The following DENND4C variants were observed in gnomAD, a reference collection of about 807,000 sequenced individuals.
DENND4C encodes the protein DENN domain containing 4C.
A neutral mutation model predicts 203.0 loss-of-function variants in DENND4C; 108 were observed. That is an observed-to-expected ratio of 0.53 (90% CI 0.46 to 0.62). The LOEUF is 0.62. Among genes scored for constraint, DENND4C ranks in the 20% least tolerant of loss-of-function variants. The pLI, the probability that DENND4C is intolerant of heterozygous loss-of-function variation, is 0.00. For synonymous variants in DENND4C, 871 were observed against 792.4 expected, an observed-to-expected ratio of 1.10 and a Z score of -1.67; for missense variants, 2,481 against 2,301.2, an observed-to-expected ratio of 1.08 and a Z score of -1.60.
intron 4 of DENND4C, among the ~76,000 whole-genome samples, chr9:19,289,778 G>T (rs978439984): frequency 1.4e-5 from 2 of 143,880 alleles, no homozygotes; most frequent in South Asian, 2.2e-4. Flanking sequence ...GCAGTGAGCC[G>T]AGATCACACC....
In DENND4C at chr9:19,345,911, T is replaced by G. The variant is rs1385087642; in HGVS notation, c.3152-10T>G. On this transcript the variant is annotated splice_polypyrimidine_tract_variant and intron_variant, in intron 22 of 32. Transcript: ENST00000434457. ...TAGGTTCATTGTTAATATTTTACTTTCCCTTTTAGGTAGTATATCAAATGT... is the reference window on the plus strand; with the variant it reads ...TAGGTTCATTGTTAATATTTTACTTGCCCTTTTAGGTAGTATATCAAATGT... 6.4e-7 allele frequency: 1 copy of G among 1,571,682 alleles called. No individual in the cohort carries two copies.
At chr9:19,349,506 T>G (rs1162328861) in intron 23 of DENND4C, among the ~76,000 whole-genome samples, 1 of 152,204 alleles carries the variant, frequency 6.6e-6, no homozygotes, top group Non-Finnish European at 1.5e-5. Flanking sequence ...ACTGTGGATC[T>G]TGTCTTGTCT....
At chr9:19,263,977 G>A (rs148991865) in intron 1 of DENND4C, among the ~76,000 whole-genome samples, 1 of 152,018 alleles carries the variant, frequency 6.6e-6, no homozygotes, top group African/African-American at 2.4e-5. Flanking sequence ...TTTCTTTGAT[G>A]TGTCTTTGTC....
rs1417114025 is a variant in DENND4C, at chr9:19,272,970, A to G, written c.-17-3188A>G. On this transcript the variant is annotated intron_variant, in intron 1 of 32. Coordinates refer to ENST00000434457, the MANE Select transcript of DENND4C (RefSeq NM_001330640.2). ...CTTTTTTTTTTTTTTTTTTTTTGAG[A>G]TGGAGTCTCGCTCTGTCACCCAGGC... Among the ~76,000 whole-genome samples the G allele has an allele frequency of 5.3e-5, 6 of 112,312 alleles. No homozygotes were observed. In the East Asian group the frequency reaches 1.1e-3, roughly 22 times the overall value. 73.7% of individuals were successfully genotyped at this position (112,312 alleles called of 152,430 possible). A position where few individuals can be genotyped will look rare whatever the true frequency, so the allele number is the denominator to read the frequency against.
chr9:19,317,497 G>C (rs993738215), intron 12 of DENND4C, among the ~76,000 whole-genome samples: 4 of 152,034 alleles, frequency 2.6e-5, no homozygotes, highest in African/African-American at 9.7e-5. Context: ...TATATATGTA[G>C]TAGCAATCTT....
chr9:19,238,800 T>C (rs1425203245), intron 1 of DENND4C, among the ~76,000 whole-genome samples: 1 of 148,212 alleles, frequency 6.7e-6, no homozygotes, highest in Non-Finnish European at 1.5e-5. Flanking sequence ...ATTACAGGCA[T>C]GTGCCACCAC....
At chr9:19,262,662 C>G (rs1054846971) in intron 1 of DENND4C, among the ~76,000 whole-genome samples, 1 of 151,932 alleles carries the variant, frequency 6.6e-6, no homozygotes, top group Non-Finnish European at 1.5e-5. Flanking sequence ...TAATTCCTGG[C>G]CTCAAGTGAT....
intron 5 of DENND4C, among the ~76,000 whole-genome samples, chr9:19,294,942 G>A (rs554978055): frequency 2.0e-5 from 3 of 152,290 alleles, no homozygotes; most frequent in Non-Finnish European, 4.4e-5. Flanking sequence ...TTTGTTTGGG[G>A]TAATGAAAAA....
Position 19,346,089 on chromosome 9 carries a change from A to G in DENND4C, c.3320A>G (p.Lys1107Arg). 1 of 1,614,218 alleles carries G rather than the reference A, an allele frequency of 6.2e-7. No individual in the cohort carries two copies. Among genetic ancestry groups the G allele is most frequent in the Non-Finnish European group, 8.5e-7 (1 of 1,180,032 alleles). Residue 1107 changes from lysine to arginine, a missense_variant, in exon 23 of 33, where the codon AAG becomes AGG. This residue lies in a region of DENND4C where 2,289 missense variants were observed against 2,113.3 expected (regional missense o/e 1.08). Transcript: ENST00000434457. ...SSESRAGMLLKKSSLDSNSSE... is the reference protein window; with the variant it reads ...SSESRAGMLLRKSSLDSNSSE... ...GAAAGTCGAGCAGGAATGTTGCTTA[A>G]GAAGAGTAGTTTGGATTCGAATTCA...
chr9:19,352,433 C>A (rs533330790), intron 25 of DENND4C, 57 bp from the exon 26 acceptor site: 1 of 1,451,308 alleles, frequency 6.9e-7, no homozygotes, highest in Non-Finnish European at 9.2e-7. Context: ...CAAGAGAATT[C>A]CTGTTAAGAT....
chr9:19,271,144 G>A (rs952853365), intron 1 of DENND4C, among the ~76,000 whole-genome samples: 2 of 150,870 alleles, frequency 1.3e-5, no homozygotes, highest in Non-Finnish European at 2.9e-5. Context: ...ATTATTTAAT[G>A]CAGTCCTAAT....
At chr9:19,282,332 T>C (rs921575824) in intron 2 of DENND4C, among the ~76,000 whole-genome samples, 3 of 151,466 alleles carry the variant, frequency 2.0e-5, no homozygotes, top group Non-Finnish European at 4.4e-5. Flanking sequence ...CTAGGCTCAC[T>C]GCAGCCTCCA....
intron 5 of DENND4C, among the ~76,000 whole-genome samples, chr9:19,292,824 G>A (rs1487555314): frequency 1.3e-5 from 2 of 152,134 alleles, no homozygotes; most frequent in Admixed American, 1.3e-4. Context: ...GGGATTACAG[G>A]TGTCAGCCAA....
Position 19,290,685 on chromosome 9 carries a change from T to C in DENND4C, c.629-19T>C, listed in dbSNP as rs1253875027. On this transcript the variant is annotated intron_variant, in intron 4 of 32. Coordinates refer to ENST00000434457, the MANE Select transcript of DENND4C (RefSeq NM_001330640.2). ...AAGTAACTATTTAAAAAATTTATTG[T>C]TGTCTCATTCTTCAAAAGGTTTAAT... is the stretch of plus-strand genomic sequence containing the variant. 1 of 1,370,392 alleles carries C rather than the reference T, an allele frequency of 7.3e-7. No homozygotes were observed. The highest frequency in any genetic ancestry group is 2.5e-5 in the East Asian group (1 of 39,588). The allele number at this position is 1,370,392 out of a possible 1,614,324, so 84.9% of individuals were successfully genotyped here.
Position 19,325,931 on chromosome 9 carries a change from T to G in DENND4C, c.1954-8T>G, listed in dbSNP as rs1337290973. ...TTTTCATTAAGAATCTGTTTTCTTT[T>G]TTTCTAGTTGTTTCCTGATAAAGGC... On this transcript the variant is annotated splice_polypyrimidine_tract_variant and splice_region_variant and intron_variant, in intron 13 of 32. Coordinates refer to ENST00000434457, the MANE Select transcript of DENND4C (RefSeq NM_001330640.2). 1.3e-6 allele frequency: 2 copies of G among 1,599,998 alleles called. No homozygotes were observed. The highest frequency in any genetic ancestry group is 2.7e-5 in the African/African-American group (2 of 73,948).
At chr9:19,243,677 C>T (rs1028989224) in intron 1 of DENND4C, among the ~76,000 whole-genome samples, 1 of 152,176 alleles carries the variant, frequency 6.6e-6, no homozygotes, top group Admixed American at 6.5e-5. Context: ...AGTAGTACTT[C>T]ATTCCTTTTT....
chr9:19,320,538 G>A (rs1292266291), intron 12 of DENND4C, among the ~76,000 whole-genome samples: 2 of 152,170 alleles, frequency 1.3e-5, no homozygotes, highest in African/African-American at 4.8e-5. Flanking sequence ...TAGTTAGTGT[G>A]TCTTAATTTG....
intron 10 of DENND4C, among the ~76,000 whole-genome samples, chr9:19,311,048 A>C (rs1215946000): frequency 2.0e-5 from 3 of 152,126 alleles, no homozygotes; most frequent in African/African-American, 7.2e-5. Context: ...GTAGACTTTA[A>C]ATATTCTTTA....
At chr9:19,309,239 A>G (rs1840285297) in intron 10 of DENND4C, among the ~76,000 whole-genome samples, 1 of 152,156 alleles carries the variant, frequency 6.6e-6, no homozygotes, top group South Asian at 2.1e-4. Context: ...CCTGACCAAC[A>G]TGGAGAAACC....
Sources: allele counts gnomAD v4.1 joint callset (sites outside exome capture counted in the v4.1 genomes callset), GRCh38; gene constraint gnomAD v4.1.1; regional missense constraint gnomAD v4.1.1; transcripts MANE v1.5; gene names NCBI Gene and HGNC (gene_info 2026-07-23, HGNC 2026-07-21).